ARID2: variants seen among roughly 807,000 people sequenced by gnomAD.
The protein encoded by ARID2 is AT-rich interaction domain 2, also known as AT-rich interactive domain-containing protein 2.
In ARID2, 32 loss-of-function variants were observed where a neutral mutation model predicts 184.6. The observed-to-expected ratio is 0.17, with a 90% CI of 0.13 to 0.23. The LOEUF (loss-of-function observed/expected upper bound fraction) is 0.23, where lower values mean the gene tolerates loss of function less well. Among genes scored for constraint, ARID2 ranks in the 10% least tolerant of loss-of-function variants. The pLI is 1.00. For synonymous variants in ARID2, 836 were observed against 772.6 expected (o/e 1.08, Z -1.36); for missense variants, 1,696 against 2,197.6 (o/e 0.77, Z 4.56).
chr12:45,751,384 C>T (rs1941462609), intron 3 of ARID2, among the ~76,000 whole-genome samples: 2 of 152,256 alleles, frequency 1.3e-5, no homozygotes, highest in Middle Eastern at 3.4e-3. Flanking sequence ...ATGAATAGAT[C>T]AGAGAGGTAC....
At chr12:45,817,130 A>G (rs1942817621) in intron 4 of ARID2, among the ~76,000 whole-genome samples, 1 of 152,138 alleles carries the variant, frequency 6.6e-6, no homozygotes, top group Non-Finnish European at 1.5e-5. Flanking sequence ...CCGCAGCCGG[A>G]GAATTGCATA....
At chr12:45,776,563 A>T (rs1371636396) in intron 3 of ARID2, among the ~76,000 whole-genome samples, 2 of 152,312 alleles carry the variant, frequency 1.3e-5, no homozygotes, top group Admixed American at 1.3e-4. Flanking sequence ...TGGGAGTATG[A>T]TTGTTTGGTA....
At chr12:45,793,704 C>T (rs1942336201) in intron 3 of ARID2, among the ~76,000 whole-genome samples, 1 of 150,952 alleles carries the variant, frequency 6.6e-6, no homozygotes. Flanking sequence ...CACACACACA[C>T]ATATATATCT....
intron 3 of ARID2, among the ~76,000 whole-genome samples, chr12:45,733,181 A>G (rs1204269133): frequency 6.6e-6 from 1 of 152,208 alleles, no homozygotes; most frequent in East Asian, 1.9e-4. Context: ...TTTGTTTTGG[A>G]AAATAAAACC....
chr12:45,891,354 G>C (rs376524149), intron 16 of ARID2, among the ~76,000 whole-genome samples: 1 of 152,186 alleles, frequency 6.6e-6, no homozygotes, highest in Non-Finnish European at 1.5e-5. Flanking sequence ...ACATCATAGG[G>C]TATGTGCTGG....
At chr12:45,745,104 A>G (rs1288238632) in intron 3 of ARID2, among the ~76,000 whole-genome samples, 1 of 152,226 alleles carries the variant, frequency 6.6e-6, no homozygotes, top group Non-Finnish European at 1.5e-5. Flanking sequence ...CAAGCCTTAC[A>G]TATTTAAAGG....
At chr12:45,809,302 C>T (rs1017728536) in intron 3 of ARID2, among the ~76,000 whole-genome samples, 2 of 152,108 alleles carry the variant, frequency 1.3e-5, no homozygotes, top group Admixed American at 1.3e-4. Flanking sequence ...TTTTGTGTGA[C>T]ATATATTATC....
chr12:45,754,574 C>T (rs555102592), intron 3 of ARID2, among the ~76,000 whole-genome samples: 2 of 152,330 alleles, frequency 1.3e-5, no homozygotes, highest in East Asian at 1.9e-4. Context: ...CTGACATACT[C>T]CTACCTATCT....
intron 16 of ARID2, among the ~76,000 whole-genome samples, chr12:45,888,819 C>T (rs974083257): frequency 6.6e-6 from 1 of 152,254 alleles, no homozygotes; most frequent in Middle Eastern, 3.4e-3. Flanking sequence ...TTGTATGTGC[C>T]ATATGTGGTA....
intron 16 of ARID2, among the ~76,000 whole-genome samples, chr12:45,877,091 CAAAAA>C (rs35277117): frequency 5.2e-5 from 3 of 57,440 alleles, no homozygotes; most frequent in Non-Finnish European, 4.2e-5. Flanking sequence ...GACTCCATCT[CAAAAA>C]AAAAAAAAAA....
At chr12:45,774,259 C>T (rs1426820150) in intron 3 of ARID2, among the ~76,000 whole-genome samples, 8 of 152,064 alleles carry the variant, frequency 5.3e-5, no homozygotes, top group Admixed American at 4.6e-4. Flanking sequence ...TACTTATATT[C>T]AGGTTTTTAG....
intron 15 of ARID2, 122 bp downstream of exon 15, chr12:45,853,018 T>A: frequency 7.5e-7 from 1 of 1,336,152 alleles, no homozygotes; most frequent in South Asian, 2.1e-5. Flanking sequence ...CTCACTTGTA[T>A]CCAACCTGTC....
At chr12:45,816,266 C>T (rs564351521) in intron 4 of ARID2, among the ~76,000 whole-genome samples, 1 of 152,104 alleles carries the variant, frequency 6.6e-6, no homozygotes, top group South Asian at 2.1e-4. Flanking sequence ...AAGCATGAAC[C>T]ATAAAAGTAA....
intron 20 of ARID2, among the ~76,000 whole-genome samples, chr12:45,901,447 G>A (rs1170035904): frequency 2.0e-5 from 3 of 151,870 alleles, no homozygotes; most frequent in Non-Finnish European, 2.9e-5. Context: ...TGGGATTACA[G>A]GCATGAGCCA....
Position 45,851,552 on chromosome 12 carries a change from G to A in ARID2, c.3429G>A (p.Val1143=), listed in dbSNP as rs1592120553. 1 of 1,614,116 alleles carries A rather than the reference G, an allele frequency of 6.2e-7. No homozygotes were observed. Among genetic ancestry groups the A allele is most frequent in the Non-Finnish European group, 8.5e-7 (1 of 1,179,994 alleles). ...AMPPSGGVQT[V]PISNLQILPG... ...CACCCTCAGGGGGAGTACAAACTGT[G>A]CCCATTTCGAACTTACAAATATTGC... The change falls in exon 15 of 21, where the codon GTG becomes GTA. Residue 1143 remains valine, a synonymous_variant. Transcript: ENST00000334344.
intron 3 of ARID2, among the ~76,000 whole-genome samples, chr12:45,747,998 C>T (rs1373302468): frequency 6.6e-6 from 1 of 152,054 alleles, no homozygotes; most frequent in Non-Finnish European, 1.5e-5. Flanking sequence ...TTTTGGTTTC[C>T]CAGTGCACAG....
chr12:45,773,071 A>G (rs1941908275), intron 3 of ARID2, among the ~76,000 whole-genome samples: 1 of 152,178 alleles, frequency 6.6e-6, no homozygotes. Flanking sequence ...TCAAAGCACA[A>G]TAGAATGAAA....
intron 16 of ARID2, among the ~76,000 whole-genome samples, chr12:45,869,625 G>A (rs930766425): frequency 1.3e-5 from 2 of 151,888 alleles, no homozygotes; most frequent in African/African-American, 2.4e-5. Context: ...GCTCATGCTT[G>A]TAATTTCAGC....
intron 12 of ARID2, among the ~76,000 whole-genome samples, chr12:45,847,995 CACCATA>C (rs904257360): frequency 2.0e-5 from 3 of 151,996 alleles, no homozygotes; most frequent in African/African-American, 7.2e-5. Flanking sequence ...AAAGAATACA[CACCATA>C]ACCACTATAA....
Sources: gnomAD v4.1 joint callset for allele counts (sites outside exome capture counted in the v4.1 genomes callset) on GRCh38, gnomAD v4.1.1 for gene constraint, MANE v1.5 for transcripts, NCBI Gene and HGNC (gene_info 2026-07-23, HGNC 2026-07-21) for gene names.